The following NEGR1 variants were observed in gnomAD, a reference collection of about 807,000 sequenced individuals.
NEGR1 encodes neuronal growth regulator 1.
Under a neutral mutation model 40.9 loss-of-function variants are expected in NEGR1, and 10 were observed. The ratio of observed to expected loss-of-function variants is 0.24; its 90% CI spans 0.15 to 0.42. The LOEUF is 0.42. Ranked by LOEUF, NEGR1 falls within the 10% of genes least tolerant of loss-of-function variation. The pLI, the probability that NEGR1 is intolerant of heterozygous loss-of-function variation, is 1.00. For synonymous variants in NEGR1, 185 were observed against 166.8 expected (o/e 1.11, Z -0.84); for missense variants, 352 against 438.9 (o/e 0.80, Z 1.77).
intron 4 of NEGR1, among the ~76,000 whole-genome samples, chr1:71,681,062 A>C (rs930111172): frequency 1.3e-5 from 2 of 152,232 alleles, no homozygotes; most frequent in African/African-American, 4.8e-5. Context: ...ACTTCAGACT[A>C]ATTTAAAAGC....
chr1:71,918,774 C>A (rs1054115510), intron 2 of NEGR1, among the ~76,000 whole-genome samples: 4 of 152,048 alleles, frequency 2.6e-5, no homozygotes, highest in Non-Finnish European at 5.9e-5. Flanking sequence ...GTCACTCAGG[C>A]CCCAATTTGC....
At chr1:72,012,149 G>A (rs1452654218) in intron 1 of NEGR1, among the ~76,000 whole-genome samples, 1 of 152,020 alleles carries the variant, frequency 6.6e-6, no homozygotes, top group South Asian at 2.1e-4. Flanking sequence ...ATAACACAAG[G>A]TGAAGACAGT....
intron 2 of NEGR1, among the ~76,000 whole-genome samples, chr1:71,906,381 G>C (rs376845506): frequency 8.1e-4 from 121 of 150,306 alleles, no homozygotes; most frequent in African/African-American, 2.3e-3. Context: ...CCCCTAAAAC[G>C]CTATTGAAAT....
chr1:72,101,329 C>T (rs1019403949), intron 1 of NEGR1, among the ~76,000 whole-genome samples: 10 of 152,052 alleles, frequency 6.6e-5, no homozygotes, highest in African/African-American at 2.4e-4. Flanking sequence ...AGGAAAAGAA[C>T]TATTGAGCTG....
intron 2 of NEGR1, among the ~76,000 whole-genome samples, chr1:71,928,465 CTT>C (rs1335901033): frequency 3.0e-5 from 2 of 66,150 alleles, no homozygotes; most frequent in African/African-American, 5.2e-5. Flanking sequence ...TACACACATA[CTT>C]ATATATACAC....
chr1:71,482,362 C>G (rs1646859279), intron 6 of NEGR1, among the ~76,000 whole-genome samples: 1 of 151,758 alleles, frequency 6.6e-6, no homozygotes, highest in Non-Finnish European at 1.5e-5. Flanking sequence ...GCACCTGCCA[C>G]AGATAATCTT....
At chr1:71,800,030 G>T (rs1026130473) in intron 2 of NEGR1, among the ~76,000 whole-genome samples, 1 of 152,178 alleles carries the variant, frequency 6.6e-6, no homozygotes, top group Non-Finnish European at 1.5e-5. Context: ...ACTTTTTAAT[G>T]ATCGCCATTG....
At chr1:71,500,620 T>C (rs1210667988) in intron 6 of NEGR1, among the ~76,000 whole-genome samples, 2 of 152,076 alleles carry the variant, frequency 1.3e-5, no homozygotes, top group Non-Finnish European at 2.9e-5. Context: ...TAAAAAGTTA[T>C]CATTACATTA....
At chr1:72,224,795 G>A (rs1654122121) in intron 1 of NEGR1, among the ~76,000 whole-genome samples, 1 of 151,600 alleles carries the variant, frequency 6.6e-6, no homozygotes, top group Non-Finnish European at 1.5e-5. Context: ...GAATTTTTTT[G>A]CCTGATCTAT....
chr1:71,497,267 A>C (rs1191398012), intron 6 of NEGR1, among the ~76,000 whole-genome samples: 1 of 152,200 alleles, frequency 6.6e-6, no homozygotes, highest in Non-Finnish European at 1.5e-5. Flanking sequence ...GCAGTCATTC[A>C]GTAAGCAATG....
intron 1 of NEGR1, among the ~76,000 whole-genome samples, chr1:72,061,396 G>A (rs934506102): frequency 6.6e-6 from 1 of 151,688 alleles, no homozygotes; most frequent in African/African-American, 2.4e-5. Context: ...ATTTATTTTA[G>A]ATATTTAATG....
At chr1:71,613,572 G>A (rs899555678) in intron 4 of NEGR1, among the ~76,000 whole-genome samples, 6 of 151,564 alleles carry the variant, frequency 4.0e-5, no homozygotes, top group African/African-American at 7.3e-5. Flanking sequence ...CAGGAGAATC[G>A]CTTGAACCCG....
chr1:71,432,162 T>C (rs1184975065), intron 6 of NEGR1, among the ~76,000 whole-genome samples: 9 of 152,146 alleles, frequency 5.9e-5, no homozygotes, highest in African/African-American at 1.7e-4. Context: ...GAGTGACATG[T>C]TCTAAATATA....
At chr1:72,215,116 AG>A (rs1653752391) in intron 1 of NEGR1, among the ~76,000 whole-genome samples, 1 of 152,158 alleles carries the variant, frequency 6.6e-6, no homozygotes, top group Non-Finnish European at 1.5e-5. Context: ...TAATGGGGAA[AG>A]GATTCCCTAT....
intron 2 of NEGR1, among the ~76,000 whole-genome samples, chr1:71,874,146 G>A (rs1660360290): frequency 6.6e-6 from 1 of 152,090 alleles, no homozygotes; most frequent in Non-Finnish European, 1.5e-5. Flanking sequence ...TTCTTCATGT[G>A]AAATGATTTA....
intron 6 of NEGR1, among the ~76,000 whole-genome samples, chr1:71,587,135 C>G: frequency 6.6e-6 from 1 of 152,012 alleles, no homozygotes; most frequent in East Asian, 1.9e-4. Flanking sequence ...TGTGGTATCA[C>G]CTTTCAGGGT....
At chr1:72,077,266 G>A (rs923799356) in intron 1 of NEGR1, among the ~76,000 whole-genome samples, 4 of 151,934 alleles carry the variant, frequency 2.6e-5, no homozygotes, top group Admixed American at 2.6e-4. Context: ...GTTGAACAAT[G>A]GGATGTCATC....
intron 3 of NEGR1, among the ~76,000 whole-genome samples, chr1:71,774,726 G>T (rs543091263): frequency 1.3e-5 from 2 of 151,992 alleles, no homozygotes; most frequent in African/African-American, 4.8e-5. Flanking sequence ...TCATTCATCT[G>T]AAATGAGGTG....
At chr1:72,074,645 A>G (rs898190483) in intron 1 of NEGR1, among the ~76,000 whole-genome samples, 7 of 152,116 alleles carry the variant, frequency 4.6e-5, no homozygotes, top group Non-Finnish European at 8.8e-5. Context: ...AAACTCCTAT[A>G]ATACCTATTC....
Sources: gnomAD v4.1 joint callset for allele counts (sites outside exome capture counted in the v4.1 genomes callset) on GRCh38, gnomAD v4.1.1 for gene constraint, MANE v1.5 for transcripts, NCBI Gene and HGNC (gene_info 2026-07-23, HGNC 2026-07-21) for gene names.